The following TMCO4 variants were observed in gnomAD, a reference collection of about 807,000 sequenced individuals.
TMCO4 encodes the protein transmembrane and coiled-coil domains 4, also known as transmembrane and coiled-coil domain-containing protein 4.
A neutral mutation model predicts 64.7 loss-of-function variants in TMCO4; 58 were observed. The ratio of observed to expected loss-of-function variants is 0.90; its 90% confidence interval spans 0.73 to 1.12. The LOEUF is 1.12. Ranked by LOEUF, TMCO4 falls within the 50% of genes most tolerant of loss-of-function variation. The probability of loss-of-function intolerance (pLI) is 0.00; values close to 1 mark genes in which losing one functional copy is unlikely to be tolerated. For missense variants in TMCO4, 780 were observed against 825.9 expected (o/e 0.94, Z 0.68); for synonymous variants, 325 against 346.1 (o/e 0.94, Z 0.68).
At chr1:19,768,835 CTG>C (rs1314027602) in intron 6 of TMCO4, among the ~76,000 whole-genome samples, 1 of 117,656 alleles carries the variant, frequency 8.5e-6, no homozygotes, top group Non-Finnish European at 1.9e-5. Flanking sequence ...GGCTGAGACT[CTG>C]TATTTCTCAC....
intron 6 of TMCO4, among the ~76,000 whole-genome samples, chr1:19,768,401 T>C (rs1027926868): frequency 6.6e-6 from 1 of 152,202 alleles, no homozygotes; most frequent in African/African-American, 2.4e-5. Context: ...GATACTATTA[T>C]TCTTCCCTCA....
chr1:19,737,577 G>T, intron 12 of TMCO4, 121 bp from the exon 13 acceptor site: 1 of 825,044 alleles, frequency 1.2e-6, no homozygotes, highest in Non-Finnish European at 1.9e-6. Flanking sequence ...AATGAATCAT[G>T]CATGTGCTGT....
At chr1:19,755,513 G>T in intron 7 of TMCO4, 121 bp downstream of exon 7, 1 of 1,427,364 alleles carries the variant, frequency 7.0e-7, no homozygotes, top group Non-Finnish European at 9.5e-7. Context: ...CTGGGACTCT[G>T]TCCAGGGCTC....
rs147591147 is a variant in TMCO4, at chr1:19,755,866, A to G, written c.383-100T>C. On this transcript the variant is annotated intron_variant, in intron 6 of 15. Coordinates refer to ENST00000294543, the MANE Select transcript of TMCO4 (RefSeq NM_181719.7). ...TAAAACCCACACTAGAAACAGCCTA[A>G]ATGTACAACCCCATGGGAGCCAGTC... 118 of 1,390,986 alleles carry G rather than the reference A, an allele frequency of 8.5e-5. No homozygotes were observed. The East Asian group carries it at 2.5e-3, about 30-fold the overall frequency. The allele number at this position is 1,390,986 out of a possible 1,614,324, so 86.2% of individuals were successfully genotyped here.
intron 13 of TMCO4, among the ~76,000 whole-genome samples, chr1:19,714,698 G>C (rs962017115): frequency 5.9e-5 from 9 of 152,130 alleles, no homozygotes; most frequent in Admixed American, 5.9e-4. Context: ...TGAGGCGAGC[G>C]GGTCACCTGA....
chr1:19,774,659 T>G lies in TMCO4; in HGVS notation c.180-3177A>C, dbSNP rs1329740461. 2.0e-5 allele frequency among the ~76,000 whole-genome samples: 3 copies of G among 152,350 alleles called. No individual in the cohort carries two copies. In the East Asian group the frequency reaches 5.8e-4, roughly 29 times the overall value. On this transcript the variant is annotated intron_variant, in intron 4 of 15. Coordinates refer to ENST00000294543, the MANE Select transcript of TMCO4 (RefSeq NM_181719.7). ...ATTGCTACTAATGTGTTTGTTGGTCTGGTGGAAATACAGGAAAATCAACAG... is the reference window on the plus strand; with the variant it reads ...ATTGCTACTAATGTGTTTGTTGGTCGGGTGGAAATACAGGAAAATCAACAG...
At chr1:19,714,139 G>T (rs1232703616) in intron 13 of TMCO4, among the ~76,000 whole-genome samples, 3 of 152,146 alleles carry the variant, frequency 2.0e-5, no homozygotes, top group African/African-American at 7.2e-5. Flanking sequence ...TTTTCACCAT[G>T]TTGGCCAGCG....
chr1:19,751,515 TG>T (rs1421603391), intron 7 of TMCO4, among the ~76,000 whole-genome samples: 1 of 152,156 alleles, frequency 6.6e-6, no homozygotes, highest in Admixed American at 6.5e-5. Context: ...GAGGATCGCT[TG>T]AACCTGCGAG....
chr1:19,762,551 C>T (rs1177364114), intron 6 of TMCO4, among the ~76,000 whole-genome samples: 1 of 152,230 alleles, frequency 6.6e-6, no homozygotes, highest in African/African-American at 2.4e-5. Context: ...GGGACTCCTT[C>T]GCCCACCAGC....
At chr1:19,720,719 AC>A (rs1333675197) in intron 13 of TMCO4, among the ~76,000 whole-genome samples, 2 of 152,152 alleles carry the variant, frequency 1.3e-5, no homozygotes, top group Non-Finnish European at 2.9e-5. Flanking sequence ...CCTAGTAGAG[AC>A]CCGAAAGGTC....
chr1:19,753,664 G>C (rs1437162338), intron 7 of TMCO4, among the ~76,000 whole-genome samples: 1 of 152,140 alleles, frequency 6.6e-6, no homozygotes, highest in African/African-American at 2.4e-5. Context: ...AATGTGTGCT[G>C]GTGTCCAGGG....
At chr1:19,737,330 G>A (rs762116326) in intron 13 of TMCO4, 42 bp downstream of exon 13, 2 of 1,584,656 alleles carry the variant, frequency 1.3e-6, no homozygotes, top group South Asian at 1.1e-5. Context: ...CTGGGAACAA[G>A]CTTGTGAAGG....
intron 13 of TMCO4, among the ~76,000 whole-genome samples, chr1:19,722,100 G>A (rs2095387239): frequency 1.3e-5 from 2 of 152,130 alleles, no homozygotes; most frequent in Admixed American, 1.3e-4. Flanking sequence ...CCTATCACTA[G>A]AAGCAACTAA....
At chr1:19,728,722 C>T (rs1376693545) in intron 13 of TMCO4, among the ~76,000 whole-genome samples, 1 of 152,236 alleles carries the variant, frequency 6.6e-6, no homozygotes, top group African/African-American at 2.4e-5. Flanking sequence ...CTCCTGGGTT[C>T]CCGGGCACCA....
intron 2 of TMCO4, among the ~76,000 whole-genome samples, chr1:19,796,019 C>A (rs1272314997): frequency 1.3e-5 from 2 of 152,254 alleles, no homozygotes; most frequent in African/African-American, 4.8e-5. Flanking sequence ...TCAGCTCAGG[C>A]TGTTCTCTCC....
Position 19,700,821 on chromosome 1 carries a change from ATGCT to A in TMCO4, c.1325_1328del (p.Lys442IlefsTer24). ...ACACCACCTTCCGGAAAGGCTCCCA[ATGCT>A]TGGCTTCTCCCTCCACAGGCGCACC... is the stretch of plus-strand genomic sequence containing the variant. On this transcript the variant is annotated frameshift_variant, in exon 14 of 16. Transcript: ENST00000294543. LOFTEE classifies it high-confidence loss of function. 6.2e-7 allele frequency: 1 copy of A among 1,614,192 alleles called. No homozygotes were observed. The highest frequency in any genetic ancestry group is 1.7e-5 in the Admixed American group (1 of 60,026).
At chr1:19,740,068 G>A in intron 11 of TMCO4, 108 bp from the exon 12 acceptor site, 2 of 1,331,128 alleles carry the variant, frequency 1.5e-6, no homozygotes, top group Non-Finnish European at 2.0e-6. Flanking sequence ...CTCCAACTTG[G>A]ACCTGCAAGT....
intron 13 of TMCO4, among the ~76,000 whole-genome samples, chr1:19,731,728 T>C (rs557528792): frequency 6.6e-6 from 1 of 152,352 alleles, no homozygotes; most frequent in South Asian, 2.1e-4. Flanking sequence ...TGCTTTGTGC[T>C]TTCTGGGGTG....
intron 11 of TMCO4, 52 bp from the exon 12 acceptor site, chr1:19,740,012 C>G (rs1211949386): frequency 6.4e-7 from 1 of 1,555,326 alleles, no homozygotes; most frequent in East Asian, 2.3e-5. Flanking sequence ...TAGGGTCCTA[C>G]TAGGGAAGTG....
Sources: allele counts gnomAD v4.1 joint callset (sites outside exome capture counted in the v4.1 genomes callset), GRCh38; gene constraint gnomAD v4.1.1; transcripts MANE v1.5; gene names NCBI Gene and HGNC (gene_info 2026-07-23, HGNC 2026-07-21).